ADAM9: variants seen among roughly 807,000 people sequenced by gnomAD.
ADAM9 encodes the protein ADAM metallopeptidase domain 9.
ADAM9 carries 54 observed loss-of-function variants against 108.1 expected under a neutral mutation model. That is an observed-to-expected ratio of 0.50 (90% CI 0.40 to 0.63). The LOEUF is 0.63. Ranked by LOEUF, ADAM9 falls within the 20% of genes least tolerant of loss-of-function variation. The pLI is 0.00. For missense variants in ADAM9, 830 were observed against 997.7 expected (o/e 0.83, Z 2.26); for synonymous variants, 316 against 336.0 (o/e 0.94, Z 0.65).
intron 3 of ADAM9, among the ~76,000 whole-genome samples, chr8:39,012,617 T>C (rs1362871484): frequency 6.6e-6 from 1 of 152,142 alleles, no homozygotes; most frequent in East Asian, 1.9e-4. Flanking sequence ...TATGCAGCCA[T>C]AAAAAAGGAT....
intron 12 of ADAM9, among the ~76,000 whole-genome samples, chr8:39,052,476 T>G (rs1344697879): frequency 6.6e-6 from 1 of 152,098 alleles, no homozygotes; most frequent in African/African-American, 2.4e-5. Flanking sequence ...ACTTACTAAT[T>G]TTTTTCCTGT....
chr8:39,062,551 G>T (rs1838331643), intron 14 of ADAM9, among the ~76,000 whole-genome samples: 1 of 152,184 alleles, frequency 6.6e-6, no homozygotes, highest in African/African-American at 2.4e-5. Flanking sequence ...TCTGATTGCT[G>T]CTTTGACTCT....
In ADAM9 at chr8:39,054,383, T is replaced by C. The variant is rs962379692; in HGVS notation, c.1303-98T>C. 4 of 1,065,988 alleles carry C rather than the reference T, an allele frequency of 3.8e-6. No individual in the cohort carries two copies. In the South Asian group the frequency reaches 5.2e-5, roughly 14 times the overall value. The allele number at this position is 1,065,988 out of a possible 1,614,324, so 66.0% of individuals were successfully genotyped here. A position where few individuals can be genotyped will look rare whatever the true frequency, so the allele number is the denominator to read the frequency against. On this transcript the variant is annotated intron_variant, in intron 12 of 21. Coordinates refer to ENST00000487273, the MANE Select transcript of ADAM9 (RefSeq NM_003816.3). The stretch of plus-strand genomic sequence containing the variant: ...TGGAGGGTAACTGCTACAATCATGT[T>C]AGAATGAAGTAGATTTTAGGTGTAA...
Position 39,005,912 on chromosome 8 carries a change from A to G in ADAM9, c.98-1974A>G, listed in dbSNP as rs766189066. Among the ~76,000 whole-genome samples, 74 of 152,246 alleles carry G rather than the reference A, an allele frequency of 4.9e-4. 1 individual carries two copies. The highest frequency in any genetic ancestry group is 5.6e-4 in the Non-Finnish European group (38 of 68,048). Reference sequence around the variant, plus strand: ...ATTGGCTTTGATGGAACTTTGTTCCATAAGGAATCTCACCTGAGATGTTTT... The same window carrying G: ...ATTGGCTTTGATGGAACTTTGTTCCGTAAGGAATCTCACCTGAGATGTTTT... On this transcript the variant is annotated intron_variant, in intron 1 of 21. Transcript: ENST00000487273.
intron 11 of ADAM9, among the ~76,000 whole-genome samples, chr8:39,031,281 G>A (rs1241401439): frequency 1.3e-5 from 2 of 152,142 alleles, no homozygotes; most frequent in African/African-American, 4.8e-5. Context: ...TTTTGCATAT[G>A]AATATCTAAT....
chr8:39,089,032 G>A (rs1839265088), intron 18 of ADAM9, among the ~76,000 whole-genome samples: 1 of 152,128 alleles, frequency 6.6e-6, no homozygotes, highest in Non-Finnish European at 1.5e-5. Context: ...GGCAGATCAT[G>A]AGGTCAGGAG....
intron 20 of ADAM9, among the ~76,000 whole-genome samples, chr8:39,096,461 T>G (rs951656580): frequency 2.0e-5 from 3 of 152,180 alleles, no homozygotes; most frequent in African/African-American, 7.2e-5. Context: ...TTCCACTTTA[T>G]GTAACTGATG....
chr8:39,100,478 G>A (rs1336679994), intron 20 of ADAM9, among the ~76,000 whole-genome samples: 1 of 149,172 alleles, frequency 6.7e-6, no homozygotes, highest in African/African-American at 2.5e-5. Flanking sequence ...GGGCGACAGA[G>A]CCAGACTCCG....
At chr8:38,999,418 G>A (rs1222271859) in intron 1 of ADAM9, among the ~76,000 whole-genome samples, 1 of 151,672 alleles carries the variant, frequency 6.6e-6, no homozygotes, top group African/African-American at 2.4e-5. Context: ...ATTTTCTAAG[G>A]TAGTAATTAT....
chr8:39,103,420 T>C (rs1166088284), intron 21 of ADAM9, among the ~76,000 whole-genome samples, 187 bp from the exon 22 acceptor site: 1 of 152,172 alleles, frequency 6.6e-6, no homozygotes, highest in Non-Finnish European at 1.5e-5. Context: ...AAAGTAGTTA[T>C]TCCATTTTAG....
chr8:39,017,118 C>T (rs1836558729), intron 5 of ADAM9, 101 bp from the exon 6 acceptor site: 2 of 1,215,174 alleles, frequency 1.6e-6, no homozygotes, highest in African/African-American at 1.5e-5. Context: ...TAATGCTATG[C>T]CTACTTACAC....
At chr8:39,021,398 C>T (rs1193861821) in intron 7 of ADAM9, among the ~76,000 whole-genome samples, 2 of 152,156 alleles carry the variant, frequency 1.3e-5, no homozygotes, top group Admixed American at 1.3e-4. Flanking sequence ...ATTCTCCTGC[C>T]TCAGTCTCCT....
At position 39,058,661 on chromosome 8, in the gene ADAM9, T is replaced by C. The variant is rs371205941; in HGVS notation, c.1591+2889T>C. ...TTCTTTGCCTGTTGACTTGGAGGTA[T>C]GAGGAGCCAATGTGGCTGGGCCTCT... On this transcript the variant is annotated intron_variant, in intron 14 of 21. Transcript: ENST00000487273. 4.1e-4 allele frequency among the ~76,000 whole-genome samples: 63 copies of C among 152,306 alleles called. 1 individual carries two copies. Among genetic ancestry groups the C allele is most frequent in the African/African-American group, 1.4e-3 (59 of 41,570 alleles).
intron 1 of ADAM9, among the ~76,000 whole-genome samples, chr8:38,999,065 C>A (rs906301385): frequency 6.6e-6 from 1 of 151,860 alleles, no homozygotes; most frequent in African/African-American, 2.4e-5. Flanking sequence ...GGTTAAGAGG[C>A]TTTTGTAATA....
rs1335207885 is a variant in ADAM9, at chr8:39,045,343, C to CGT, written c.1302+3226_1302+3227insGT. Among the ~76,000 whole-genome samples, 12 of 118,930 alleles carry CGT rather than the reference C, an allele frequency of 1.0e-4. 2 individuals are homozygous for CGT. The highest frequency in any genetic ancestry group is 2.7e-4 in the African/African-American group (8 of 29,898). 78.0% of individuals were successfully genotyped at this position (118,930 alleles called of 152,430 possible). A position where few individuals can be genotyped will look rare whatever the true frequency, so the allele number is the denominator to read the frequency against. On this transcript the variant is annotated intron_variant, in intron 12 of 21. Coordinates refer to ENST00000487273, the MANE Select transcript of ADAM9 (RefSeq NM_003816.3). ...CTATACATGTGTGTGTACACCTATACATGTGTGTACATACATATAGGTGTG... is the reference window on the plus strand; with the variant it reads ...CTATACATGTGTGTGTACACCTATACGTATGTGTGTACATACATATAGGTGTG...
At chr8:39,046,635 T>C (rs768471724) in intron 12 of ADAM9, among the ~76,000 whole-genome samples, 10 of 152,168 alleles carry the variant, frequency 6.6e-5, no homozygotes, top group Non-Finnish European at 1.3e-4. Context: ...TATTTTCCTT[T>C]ATTTCTAGTT....
chr8:39,088,203 T>C (rs1291542593), intron 18 of ADAM9, among the ~76,000 whole-genome samples: 1 of 151,926 alleles, frequency 6.6e-6, no homozygotes, highest in Non-Finnish European at 1.5e-5. Flanking sequence ...AAACCCACAT[T>C]GTTCCAGGGC....
intron 13 of ADAM9, 138 bp downstream of exon 13, chr8:39,054,711 C>T (rs1163650755): frequency 4.4e-6 from 3 of 676,368 alleles, no homozygotes; most frequent in Non-Finnish European, 7.5e-6. Flanking sequence ...TTTTATGCCA[C>T]TTGTGTATAA....
chr8:39,102,280 G>C (rs943025554), intron 21 of ADAM9, among the ~76,000 whole-genome samples: 2 of 152,158 alleles, frequency 1.3e-5, no homozygotes, highest in African/African-American at 4.8e-5. Context: ...GACAATATAA[G>C]AAAATATGTG....
Sources: gnomAD v4.1 joint callset for allele counts (sites outside exome capture counted in the v4.1 genomes callset) on GRCh38, gnomAD v4.1.1 for gene constraint, MANE v1.5 for transcripts, NCBI Gene and HGNC (gene_info 2026-07-23, HGNC 2026-07-21) for gene names.